Variants in ROBO2 observed in about 807,000 individuals in gnomAD.
The protein encoded by ROBO2 is roundabout homolog 2.
A neutral mutation model predicts 160.8 loss-of-function variants in ROBO2; 53 were observed. The observed-to-expected ratio is 0.33, with a 90% CI of 0.26 to 0.41. The LOEUF (loss-of-function observed/expected upper bound fraction) is 0.41, where lower values mean the gene tolerates loss of function less well. ROBO2 is among the 10% of genes least tolerant of loss of function. The probability of loss-of-function intolerance (pLI) is 1.00; values close to 1 mark genes in which losing one functional copy is unlikely to be tolerated. For missense variants in ROBO2, 1,577 were observed against 1,722.4 expected (o/e 0.92, Z 1.49); for synonymous variants, 664 against 611.7 (o/e 1.09, Z -1.26).
chr3:77,316,498 A>G (rs557535273), intron 2 of ROBO2, among the ~76,000 whole-genome samples: 92 of 152,260 alleles, frequency 6.0e-4, no homozygotes, highest in African/African-American at 2.1e-3. Flanking sequence ...ATTTCTAGAT[A>G]AAAAAGAAAC....
chr3:77,199,799 T>G (rs888293985), intron 2 of ROBO2, among the ~76,000 whole-genome samples: 6 of 111,472 alleles, frequency 5.4e-5, no homozygotes, highest in Admixed American at 9.4e-5. Flanking sequence ...ATTTTTTTTT[T>G]TGTTGTTTAT....
intron 2 of ROBO2, among the ~76,000 whole-genome samples, chr3:76,420,361 G>A (rs2075942634): frequency 1.3e-5 from 2 of 152,154 alleles, no homozygotes; most frequent in South Asian, 4.2e-4. Flanking sequence ...GCTTGTGTTG[G>A]TCATAAAAGG....
chr3:76,415,353 G>C (rs926439114), intron 2 of ROBO2, among the ~76,000 whole-genome samples: 5 of 152,162 alleles, frequency 3.3e-5, no homozygotes, highest in African/African-American at 1.2e-4. Context: ...ATGTCTGAAA[G>C]GCTCTGAAGA....
chr3:77,622,377 A>G, exon 23 of ROBO2: 1 of 1,614,098 alleles, frequency 6.2e-7, no homozygotes, highest in Non-Finnish European at 8.5e-7. Flanking sequence ...GGCCCCTGAG[A>G]GCACTGGACC....
At chr3:76,837,805 A>G (rs182740094) in intron 2 of ROBO2, among the ~76,000 whole-genome samples, 2 of 152,108 alleles carry the variant, frequency 1.3e-5, no homozygotes, top group Admixed American at 1.3e-4. Context: ...GTGCCATACT[A>G]TCTAATATAC....
chr3:76,793,048 C>G (rs979578130), intron 2 of ROBO2, among the ~76,000 whole-genome samples: 3 of 151,446 alleles, frequency 2.0e-5, no homozygotes, highest in African/African-American at 4.8e-5. Flanking sequence ...AAAATAGAAA[C>G]AAAAATGCGA....
intron 2 of ROBO2, among the ~76,000 whole-genome samples, chr3:76,300,579 A>C (rs1226745965): frequency 2.6e-5 from 4 of 152,082 alleles, no homozygotes; most frequent in Non-Finnish European, 5.9e-5. Context: ...GTGATTAATT[A>C]ACAAATTCTT....
chr3:76,291,908 T>G (rs972601419), intron 2 of ROBO2, among the ~76,000 whole-genome samples: 8 of 152,076 alleles, frequency 5.3e-5, no homozygotes, highest in Admixed American at 3.3e-4. Context: ...TTTTTCAATT[T>G]GTTGAGAATT....
At chr3:76,521,045 C>CTTTTTTT (rs58517740) in intron 2 of ROBO2, among the ~76,000 whole-genome samples, 5 of 100,120 alleles carry the variant, frequency 5.0e-5, no homozygotes, top group Admixed American at 1.2e-4. Context: ...AAAATTGCTT[C>CTTTTTTT]TTTTTTTTTT....
chr3:77,136,895 A>C (rs556943310), intron 2 of ROBO2, among the ~76,000 whole-genome samples: 1 of 152,210 alleles, frequency 6.6e-6, no homozygotes, highest in South Asian at 2.1e-4. Flanking sequence ...TCGGCCTTCC[A>C]AAGTGCTGGG....
intron 2 of ROBO2, among the ~76,000 whole-genome samples, chr3:75,980,287 G>A (rs1456237912): frequency 6.6e-6 from 1 of 151,550 alleles, no homozygotes; most frequent in Non-Finnish European, 1.5e-5. Context: ...AATGATGTCA[G>A]TGCTTGAAAA....
chr3:76,622,949 C>A (rs770397567), intron 2 of ROBO2, among the ~76,000 whole-genome samples: 7 of 152,142 alleles, frequency 4.6e-5, no homozygotes, highest in Non-Finnish European at 8.8e-5. Flanking sequence ...AGCCTTCCTC[C>A]GCTGTGTATT....
intron 2 of ROBO2, among the ~76,000 whole-genome samples, chr3:77,211,286 T>A (rs913286810): frequency 9.9e-5 from 15 of 152,224 alleles, no homozygotes; most frequent in Non-Finnish European, 2.1e-4. Flanking sequence ...CCATTCTAAC[T>A]GGTGTGCGAT....
chr3:76,048,994 A>G (rs2067551306), intron 2 of ROBO2, among the ~76,000 whole-genome samples: 1 of 152,210 alleles, frequency 6.6e-6, no homozygotes, highest in African/African-American at 2.4e-5. Context: ...ACAACATATT[A>G]GAGGCACATA....
intron 1 of ROBO2, among the ~76,000 whole-genome samples, chr3:75,914,774 A>G (rs188478353): frequency 1.1e-4 from 17 of 152,338 alleles, no homozygotes; most frequent in Admixed American, 9.8e-4. Context: ...TCAGAGATAC[A>G]GTAGTTGTAC....
At chr3:76,057,146 C>A (rs533365046) in intron 2 of ROBO2, among the ~76,000 whole-genome samples, 1 of 152,244 alleles carries the variant, frequency 6.6e-6, no homozygotes, top group Admixed American at 6.5e-5. Context: ...TTATCTCTCA[C>A]CTTCTAAGAC....
intron 2 of ROBO2, among the ~76,000 whole-genome samples, chr3:77,334,851 G>A (rs1222338809): frequency 2.0e-5 from 3 of 152,250 alleles, no homozygotes; most frequent in East Asian, 1.9e-4. Flanking sequence ...CAGTCCATAA[G>A]AGAATTTCCT....
chr3:77,591,667 T>C (rs1450169609), intron 17 of ROBO2, among the ~76,000 whole-genome samples: 1 of 152,194 alleles, frequency 6.6e-6, no homozygotes, highest in Non-Finnish European at 1.5e-5. Context: ...AAGTTCTTAA[T>C]TTTAGATGCT....
intron 6 of ROBO2, among the ~76,000 whole-genome samples, chr3:77,531,787 G>C (rs1258882152): frequency 6.6e-6 from 1 of 152,056 alleles, no homozygotes; most frequent in Non-Finnish European, 1.5e-5. Flanking sequence ...GATGTTCTAA[G>C]TGTACCTTGA....
Sources: allele counts gnomAD v4.1 joint callset (sites outside exome capture counted in the v4.1 genomes callset), GRCh38; gene constraint gnomAD v4.1.1; transcripts MANE v1.5; gene names NCBI Gene and HGNC (gene_info 2026-07-23, HGNC 2026-07-21).